GASK1A: variants seen among roughly 807,000 people sequenced by gnomAD.
GASK1A encodes the protein Golgi-associated kinase 1A.
GASK1A carries 40 observed loss-of-function variants against 41.2 expected under a neutral mutation model. The ratio of observed to expected loss-of-function variants is 0.97; its 90% CI spans 0.75 to 1.27. The LOEUF is 1.27. GASK1A is among the 50% of genes most tolerant of loss of function. GASK1A has a pLI of 0.00. For synonymous variants in GASK1A, 316 were observed against 307.1 expected (o/e 1.03, Z -0.30); for missense variants, 678 against 745.1 (o/e 0.91, Z 1.05).
chr3:43,046,412 G>A (rs1386567197), intron 2 of GASK1A, among the ~76,000 whole-genome samples: 1 of 152,132 alleles, frequency 6.6e-6, no homozygotes, highest in African/African-American at 2.4e-5. Flanking sequence ...GATGATTTAA[G>A]GTATCTGGCA....
At chr3:42,996,266 G>A (rs2089368992) in intron 1 of GASK1A, among the ~76,000 whole-genome samples, 1 of 152,234 alleles carries the variant, frequency 6.6e-6, no homozygotes, top group Non-Finnish European at 1.5e-5. Context: ...CCTAATGACA[G>A]CTAACATTGA....
chr3:42,991,171 T>C (rs550757835), intron 1 of GASK1A, among the ~76,000 whole-genome samples: 39 of 152,210 alleles, frequency 2.6e-4, no homozygotes, highest in South Asian at 6.2e-4. Context: ...TCTTTCTTTT[T>C]TCTTTCTTAT....
At chr3:43,040,044 G>C (rs898484636) in intron 2 of GASK1A, among the ~76,000 whole-genome samples, 1 of 152,138 alleles carries the variant, frequency 6.6e-6, no homozygotes, top group South Asian at 2.1e-4. Flanking sequence ...AAAATGACCA[G>C]GATTTTCTCT....
Position 42,979,543 on chromosome 3 carries a change from G to C in GASK1A, c.-100G>C. 8.3e-7 allele frequency: 1 copy of C among 1,199,144 alleles called. No individual in the cohort carries two copies. The highest frequency in any genetic ancestry group is 1.0e-6 in the Non-Finnish European group (1 of 955,558). 74.3% of individuals were successfully genotyped at this position (1,199,144 alleles called of 1,614,324 possible). A position where few individuals can be genotyped will look rare whatever the true frequency, so the allele number is the denominator to read the frequency against. The stretch of plus-strand genomic sequence containing the variant: ...GCCGAGTAGCCGCGCATCCTGGGAA[G>C]CCTGGCGAGCCACGGCGCCGGGGGC... On this transcript the variant is annotated 5_prime_UTR_variant, in exon 1 of 5. Coordinates refer to ENST00000430121, the MANE Select transcript of GASK1A (RefSeq NM_001129908.3).
chr3:43,038,168 C>T (rs2089614393), intron 2 of GASK1A, among the ~76,000 whole-genome samples: 1 of 152,172 alleles, frequency 6.6e-6, no homozygotes, highest in African/African-American at 2.4e-5. Flanking sequence ...GTGACTCACA[C>T]CATGCATCTG....
At chr3:42,994,276 C>A (rs957785524) in intron 1 of GASK1A, among the ~76,000 whole-genome samples, 1 of 152,074 alleles carries the variant, frequency 6.6e-6, no homozygotes, top group Non-Finnish European at 1.5e-5. Context: ...AGAGAAGGGG[C>A]CCTGGGAGGG....
chr3:43,040,886 C>CCCA lies in GASK1A; in HGVS notation c.1290+7333_1290+7334insCCA, dbSNP rs1185963693. Among the ~76,000 whole-genome samples, 8 of 137,750 alleles carry CCCA rather than the reference C, an allele frequency of 5.8e-5. 1 individual carries two copies. Among genetic ancestry groups the CCCA allele is most frequent in the Non-Finnish European group, 8.2e-5 (5 of 61,152 alleles). 90.4% of individuals were successfully genotyped at this position (137,750 alleles called of 152,430 possible). A position where few individuals can be genotyped will look rare whatever the true frequency, so the allele number is the denominator to read the frequency against. ...TCCCAATGCTATCCCTCCCCCCCGC[C>CCCA]ACAACAGTCCGCAGAGTGTGATGTT... is the stretch of plus-strand genomic sequence containing the variant. On this transcript the variant is annotated intron_variant, in intron 2 of 4. Transcript: ENST00000430121.
At chr3:43,028,255 G>A (rs1172249575) in intron 1 of GASK1A, among the ~76,000 whole-genome samples, 1 of 152,176 alleles carries the variant, frequency 6.6e-6, no homozygotes, top group Non-Finnish European at 1.5e-5. Flanking sequence ...TGATGTCAAT[G>A]CTGGTCAGCT....
At chr3:43,036,054 C>G (rs556629848) in intron 2 of GASK1A, among the ~76,000 whole-genome samples, 23 of 152,354 alleles carry the variant, frequency 1.5e-4, no homozygotes, top group Non-Finnish European at 2.6e-4. Flanking sequence ...CCCAGTCCAG[C>G]TGATGTGCTT....
intron 1 of GASK1A, among the ~76,000 whole-genome samples, chr3:43,027,841 A>C (rs2089553355): frequency 6.6e-6 from 1 of 152,248 alleles, no homozygotes; most frequent in African/African-American, 2.4e-5. Context: ...TTCTGAGCCA[A>C]ATATGAGTGA....
chr3:43,042,968 T>C (rs1400501621), intron 2 of GASK1A, among the ~76,000 whole-genome samples: 1 of 152,028 alleles, frequency 6.6e-6, no homozygotes, highest in East Asian at 1.9e-4. Flanking sequence ...CAGTGCCGAG[T>C]AACTCCCTCC....
At chr3:43,031,920 C>T (rs1030000781) in intron 1 of GASK1A, among the ~76,000 whole-genome samples, 1 of 152,204 alleles carries the variant, frequency 6.6e-6, no homozygotes. Flanking sequence ...AGAAGGTCAG[C>T]TCTTGGTGAT....
chr3:43,017,654 C>T (rs2089499584), intron 1 of GASK1A, among the ~76,000 whole-genome samples: 1 of 145,976 alleles, frequency 6.9e-6, no homozygotes, highest in Non-Finnish European at 1.5e-5. Context: ...TGTGAAGTCA[C>T]AGAAAAAGGC....
At chr3:43,012,466 G>A (rs1195423393) in intron 1 of GASK1A, among the ~76,000 whole-genome samples, 1 of 151,844 alleles carries the variant, frequency 6.6e-6, no homozygotes, top group Non-Finnish European at 1.5e-5. Context: ...CCACAGGAAG[G>A]CACAGTGTGA....
At chr3:43,052,210 G>A (rs1465232485) in intron 2 of GASK1A, among the ~76,000 whole-genome samples, 1 of 152,128 alleles carries the variant, frequency 6.6e-6, no homozygotes, top group Non-Finnish European at 1.5e-5. Context: ...TGTTTCATGT[G>A]CCGTGAGCAC....
At chr3:43,043,622 G>C (rs2089648497) in intron 2 of GASK1A, among the ~76,000 whole-genome samples, 1 of 152,088 alleles carries the variant, frequency 6.6e-6, no homozygotes, top group Non-Finnish European at 1.5e-5. Context: ...CTATCTCTTG[G>C]CTGCTAGCAG....
At chr3:43,003,548 C>A (rs1214545635) in intron 1 of GASK1A, among the ~76,000 whole-genome samples, 2 of 151,666 alleles carry the variant, frequency 1.3e-5, no homozygotes, top group African/African-American at 2.4e-5. Context: ...CAAGTCACTC[C>A]CTGCCAGAGT....
chr3:43,052,996 C>T (rs1559408571), intron 2 of GASK1A, among the ~76,000 whole-genome samples: 1 of 152,178 alleles, frequency 6.6e-6, no homozygotes, highest in Non-Finnish European at 1.5e-5. Context: ...CAAAGCTCCT[C>T]AGAACTGACT....
chr3:43,055,865 C>G, intron 4 of GASK1A: 1 of 470,570 alleles, frequency 2.1e-6, no homozygotes, highest in Non-Finnish European at 3.9e-6. Flanking sequence ...GCAGGCAGCT[C>G]TGCCTTCCCA....
Sources: allele counts gnomAD v4.1 joint callset (sites outside exome capture counted in the v4.1 genomes callset), GRCh38; gene constraint gnomAD v4.1.1; transcripts MANE v1.5; gene names NCBI Gene and HGNC (gene_info 2026-07-23, HGNC 2026-07-21).